FARP1: variants seen among roughly 807,000 people sequenced by gnomAD.
The protein encoded by FARP1 is FERM, ARH/RhoGEF and pleckstrin domain protein 1.
FARP1 carries 52 observed loss-of-function variants against 128.8 expected under a neutral mutation model. The ratio of observed to expected loss-of-function variants is 0.40; its 90% CI spans 0.32 to 0.51. The LOEUF (loss-of-function observed/expected upper bound fraction) is 0.51. Ranked by LOEUF, FARP1 falls within the 20% of genes least tolerant of loss-of-function variation. The pLI, the probability that FARP1 is intolerant of heterozygous loss-of-function variation, is 0.45. For synonymous variants in FARP1, 580 were observed against 551.8 expected (o/e 1.05, Z -0.72); for missense variants, 1,333 against 1,367.9 (o/e 0.97, Z 0.40).
chr13:98,177,439 CA>C (rs2139187769), intron 1 of FARP1, among the ~76,000 whole-genome samples: 1 of 152,154 alleles, frequency 6.6e-6, no homozygotes, highest in Non-Finnish European at 1.5e-5. Context: ...CCGAGGTCAG[CA>C]GTTTAAGACC....
At chr13:98,272,148 G>A (rs577625580) in intron 2 of FARP1, among the ~76,000 whole-genome samples, 1 of 152,116 alleles carries the variant, frequency 6.6e-6, no homozygotes, top group Admixed American at 6.5e-5. Context: ...TCCTGCCTCA[G>A]CCTCCCAAGT....
rs1265239718 is a variant in FARP1, at chr13:98,450,646, CT to C, written c.*2330del. Reference sequence around the variant, plus strand: ...TCCCCAGGCTGCAGGCTCTGGGCAGCTGAGCCAGGAGCAGCTCAGGGCTGGC... The same window carrying C: ...TCCCCAGGCTGCAGGCTCTGGGCAGCGAGCCAGGAGCAGCTCAGGGCTGGC... On this transcript the variant is annotated 3_prime_UTR_variant, in exon 27 of 27. Transcript: ENST00000319562. 2.0e-5 allele frequency: 3 copies of C among 152,242 alleles called. No individual in the cohort carries two copies. Among genetic ancestry groups the C allele is most frequent in the Non-Finnish European group, 2.9e-5 (2 of 68,068 alleles). 9.4% of individuals were successfully genotyped at this position (152,242 alleles called of 1,614,324 possible).
At chr13:98,439,072 G>A in intron 20 of FARP1, 35 bp from the exon 21 acceptor site, 14 of 1,565,672 alleles carry the variant, frequency 8.9e-6, no homozygotes, top group Non-Finnish European at 1.2e-5. Context: ...CTGTCCAAAC[G>A]TGGTCTCACC....
At chr13:98,247,344 C>T (rs1358085933) in intron 2 of FARP1, among the ~76,000 whole-genome samples, 1 of 152,238 alleles carries the variant, frequency 6.6e-6, no homozygotes. Context: ...GTGCAGCCTT[C>T]CACACCCCTG....
intron 1 of FARP1, among the ~76,000 whole-genome samples, chr13:98,170,351 T>C (rs1877567864): frequency 6.7e-6 from 1 of 149,756 alleles, no homozygotes; most frequent in East Asian, 2.0e-4. Context: ...GCCTGGCTAA[T>C]TTTTGTTTGT....
intron 2 of FARP1, among the ~76,000 whole-genome samples, chr13:98,265,200 C>G (rs1157742200): frequency 6.6e-6 from 1 of 152,092 alleles, no homozygotes; most frequent in East Asian, 1.9e-4. Context: ...TGTCTTGACT[C>G]CCTGGGTATG....
chr13:98,380,340 C>T (rs1463891298), intron 6 of FARP1, among the ~76,000 whole-genome samples: 1 of 144,382 alleles, frequency 6.9e-6, no homozygotes, highest in East Asian at 2.0e-4. Flanking sequence ...GTCCCAGCTA[C>T]TTGGGAGGCT....
chr13:98,204,525 A>T lies in FARP1; in HGVS notation c.-23-8695A>T, dbSNP rs1013868281. Among the ~76,000 whole-genome samples, 75 of 152,120 alleles carry T rather than the reference A, an allele frequency of 4.9e-4. 2 individuals carry two copies. Among genetic ancestry groups the T allele is most frequent in the Non-Finnish European group, 5.9e-5 (4 of 68,030 alleles). On this transcript the variant is annotated intron_variant, in intron 1 of 26. Coordinates refer to ENST00000319562, the MANE Select transcript of FARP1 (RefSeq NM_005766.4). ...TACAATTATTTTTTTCTTTCTCTTA[A>T]AGTATAAATGGTTGTAAAGTTTACT...
chr13:98,262,994 CATT>C (rs532793122), intron 2 of FARP1, among the ~76,000 whole-genome samples: 3,729 of 151,500 alleles, frequency 0.025, 101 homozygotes, highest in African/African-American at 0.068. Context: ...TCATCTTAAA[CATT>C]ATTATTATTA....
chr13:98,209,820 A>G (rs1257370100), intron 1 of FARP1, among the ~76,000 whole-genome samples: 1 of 140,500 alleles, frequency 7.1e-6, no homozygotes, highest in Non-Finnish European at 1.5e-5. Flanking sequence ...AAAAAAAAAA[A>G]AAAAAAAAAG....
At chr13:98,364,532 T>G (rs1332108452) in intron 3 of FARP1, among the ~76,000 whole-genome samples, 2 of 152,226 alleles carry the variant, frequency 1.3e-5, no homozygotes, top group African/African-American at 4.8e-5. Context: ...CTGTTTCTCG[T>G]TTTCATATTT....
At chr13:98,382,760 G>A (rs1311702020) in intron 6 of FARP1, among the ~76,000 whole-genome samples, 1 of 151,898 alleles carries the variant, frequency 6.6e-6, no homozygotes, top group Non-Finnish European at 1.5e-5. Context: ...CTGTTAATAA[G>A]TATCCTTTTC....
At chr13:98,416,876 A>T (rs1268309787) in intron 16 of FARP1, among the ~76,000 whole-genome samples, 1 of 152,196 alleles carries the variant, frequency 6.6e-6, no homozygotes, top group Non-Finnish European at 1.5e-5. Flanking sequence ...CAGTCGTACA[A>T]AGAGGCCCTC....
At chr13:98,328,358 T>G (rs1887324279) in intron 2 of FARP1, 1 of 151,972 alleles carries the variant, frequency 6.6e-6, no homozygotes, top group Non-Finnish European at 1.5e-5. Context: ...AAGAGGAGGG[T>G]CTGTTCTGTG....
At chr13:98,229,275 G>A (rs1240993331) in intron 2 of FARP1, among the ~76,000 whole-genome samples, 1 of 152,144 alleles carries the variant, frequency 6.6e-6, no homozygotes, top group Non-Finnish European at 1.5e-5. Flanking sequence ...TGGTGTTTGT[G>A]CTGTTGTGTT....
intron 8 of FARP1, among the ~76,000 whole-genome samples, chr13:98,386,208 T>TTC (rs1555342699): frequency 5.5e-5 from 8 of 146,120 alleles, no homozygotes; most frequent in South Asian, 2.1e-4. Context: ...TTTTTTTTTT[T>TTC]CAAACACAGT....
At chr13:98,441,074 G>T (rs1892503813) in intron 24 of FARP1, among the ~76,000 whole-genome samples, 1 of 152,252 alleles carries the variant, frequency 6.6e-6, no homozygotes, top group Non-Finnish European at 1.5e-5. Flanking sequence ...ATCCCTTGGT[G>T]CTCATCAGTC....
chr13:98,192,938 T>C (rs549575380), intron 1 of FARP1, among the ~76,000 whole-genome samples: 1 of 152,336 alleles, frequency 6.6e-6, no homozygotes, highest in South Asian at 2.1e-4. Context: ...ACAAGTTGTA[T>C]ACGTGTCACA....
At position 98,219,690 on chromosome 13, in the gene FARP1, A is replaced by G. The variant is rs377487811; in HGVS notation, c.171+6277A>G. 2.6e-3 allele frequency among the ~76,000 whole-genome samples: 389 copies of G among 152,016 alleles called. 2 individuals are homozygous for G. Among genetic ancestry groups the G allele is most frequent in the African/African-American group, 8.7e-3 (362 of 41,492 alleles). On this transcript the variant is annotated intron_variant, in intron 2 of 26. Coordinates refer to ENST00000319562, the MANE Select transcript of FARP1 (RefSeq NM_005766.4). ...CCAATTTATTTTCATTTTTTGAGAC[A>G]GAGTCTTCTCTGTCACCCAGGCTGG...
Sources: gnomAD v4.1 joint callset for allele counts (sites outside exome capture counted in the v4.1 genomes callset) on GRCh38, gnomAD v4.1.1 for gene constraint, MANE v1.5 for transcripts, NCBI Gene and HGNC (gene_info 2026-07-23, HGNC 2026-07-21) for gene names.